Variants in SULT1A1 observed in about 807,000 individuals in gnomAD.
SULT1A1 encodes the protein sulfotransferase family 1A member 1, also known as sulfotransferase 1A1.
A neutral mutation model predicts 36.8 loss-of-function variants in SULT1A1; 35 were observed. That is an observed-to-expected ratio of 0.95 (90% CI 0.73 to 1.26). The LOEUF is 1.26. Ranked by LOEUF, SULT1A1 falls within the 50% of genes most tolerant of loss-of-function variation. The pLI is 0.00. For missense variants in SULT1A1, 309 were observed against 383.0 expected (o/e 0.81, Z 1.61); for synonymous variants, 119 against 146.0 (o/e 0.82, Z 1.33).
At chr16:28,608,270 A>G in intron 4 of SULT1A1, 21 bp downstream of exon 4, 1 of 1,611,432 alleles carries the variant, frequency 6.2e-7, no homozygotes, top group Non-Finnish European at 8.5e-7. Flanking sequence ...TATGGATGTG[A>G]AACACTGTGC....
rs561189881 is a variant in SULT1A1 at position 28,610,009 on chromosome 16, T to C, written c.-83A>G. On this transcript the variant is annotated 5_prime_UTR_variant, in exon 1 of 8. Transcript: ENST00000314752. ...TGGGTGTTGTGTGGGGAATGCAGGG[T>C]TGTTCTCTGAGCTGAGGGTTTCCTA... The C allele has an allele frequency of 1.6e-6, 2 of 1,287,466 alleles. No individual in the cohort carries two copies. Among genetic ancestry groups the C allele is most frequent in the East Asian group, 5.5e-5 (1 of 18,108 alleles). The allele number at this position is 1,287,466 out of a possible 1,614,324, so 79.8% of individuals were successfully genotyped here. A position where few individuals can be genotyped will look rare whatever the true frequency, so the allele number is the denominator to read the frequency against.
chr16:28,609,921 T>C lies in SULT1A1; in HGVS notation c.-5+10A>G, dbSNP rs1434760983. ...GAGGGCGCCCTGGGCCGTTCCACTGTGTCACTCACCTGAGCTCTTGGGAAC... is the reference window on the plus strand; with the variant it reads ...GAGGGCGCCCTGGGCCGTTCCACTGCGTCACTCACCTGAGCTCTTGGGAAC... On this transcript the variant is annotated intron_variant, in intron 1 of 7. Coordinates refer to ENST00000314752, the MANE Select transcript of SULT1A1 (RefSeq NM_001055.4). 3.1e-6 allele frequency: 4 copies of C among 1,284,832 alleles called. No individual in the cohort carries two copies. The Admixed American group carries it at 9.4e-5, about 30-fold the overall frequency. 79.6% of individuals were successfully genotyped at this position (1,284,832 alleles called of 1,614,324 possible).
intron 1 of SULT1A1, chr16:28,620,140 G>C (rs1413031791): frequency 6.2e-7 from 1 of 1,611,350 alleles, no homozygotes; most frequent in East Asian, 2.2e-5. Context: ...ATACCTATTT[G>C]CAAAAACACC....
chr16:28,609,524 G>A, intron 1 of SULT1A1: 4 of 740,864 alleles, frequency 5.4e-6, no homozygotes, highest in Non-Finnish European at 7.9e-6. Context: ...AGACCCTAGG[G>A]AGGCTGAGGC....
At chr16:28,609,251 C>T (rs750155) in intron 1 of SULT1A1, 584,683 of 1,242,994 alleles carry the variant, frequency 0.47, 134,960 homozygotes, top group Admixed American at 0.51. Context: ...TGTCTCACCA[C>T]TTCCTGCTGG....
At chr16:28,617,826 G>A (rs766273454) in intron 2 of SULT1A1, among the ~76,000 whole-genome samples, 17 of 151,844 alleles carry the variant, frequency 1.1e-4, no homozygotes, top group African/African-American at 2.4e-4. Flanking sequence ...TGTCGTGCCC[G>A]GCCGACAATT....
At chr16:28,606,564 G>A (rs75301646) in intron 6 of SULT1A1, among the ~76,000 whole-genome samples, 197 bp downstream of exon 6, 51,030 of 149,980 alleles carry the variant, frequency 0.34, 8,940 homozygotes, top group Admixed American at 0.4. Flanking sequence ...GCTGACTCAG[G>A]TGCGAGAGAT....
intron 2 of SULT1A1, among the ~76,000 whole-genome samples, chr16:28,617,858 C>CA (rs1170935482): frequency 7.2e-5 from 11 of 152,024 alleles, no homozygotes; most frequent in Non-Finnish European, 1.2e-4. Context: ...GAAATCTTCC[C>CA]AAAAAATCTC....
rs1216072772 is a variant in SULT1A1 at position 28,606,748 on chromosome 16, C to A, written c.594+13G>T. The A allele has an allele frequency of 6.2e-7, 1 of 1,611,674 alleles. No homozygotes were observed. The highest frequency in any genetic ancestry group is 2.2e-5 in the East Asian group (1 of 44,878). Reference sequence around the variant, plus strand: ...AGGAGTCACATGGAGGGAAGCATCGCACGTGGTCTCACCTCCTTCATGTCT... The same window carrying A: ...AGGAGTCACATGGAGGGAAGCATCGAACGTGGTCTCACCTCCTTCATGTCT... On this transcript the variant is annotated intron_variant, in intron 6 of 7. Coordinates refer to ENST00000314752, the MANE Select transcript of SULT1A1 (RefSeq NM_001055.4).
chr16:28,607,403 G>C lies in SULT1A1; in HGVS notation c.373-326C>G, dbSNP rs2047246454. 3 of 343,882 alleles carry C rather than the reference G, an allele frequency of 8.7e-6. No homozygotes were observed. In the Admixed American group the frequency reaches 1.2e-4, roughly 14 times the overall value. The allele number at this position is 343,882 out of a possible 1,614,324, so 21.3% of individuals were successfully genotyped here. On this transcript the variant is annotated intron_variant, in intron 4 of 7. Coordinates refer to ENST00000314752, the MANE Select transcript of SULT1A1 (RefSeq NM_001055.4). The stretch of plus-strand genomic sequence containing the variant: ...GAGGACCCACCCTCTAGCTTTCTTA[G>C]GTCTACACTGAAGAGTCTTACGTTC...
chr16:28,606,115 T>C lies in SULT1A1; in HGVS notation c.716A>G (p.Asn239Ser), dbSNP rs60749306. 1.2e-6 allele frequency: 2 copies of C among 1,610,026 alleles called. No individual in the cohort carries two copies. Among genetic ancestry groups the C allele is most frequent in the Non-Finnish European group, 1.7e-6 (2 of 1,177,774 alleles). ...GAACTCCTGGGGGACGGTGGTGTAG[T>C]TGGTCATAGGGTTCTTCTTCATCTC... ...FKEMKKNPMT[N>S]YTTVPQEFMD... Residue 239 changes from asparagine to serine, a missense_variant, in exon 7 of 8, where the codon AAC (asparagine) becomes AGC (serine). Asn to Ser is a conservative substitution (Grantham distance 46). Around this residue, in one of 3 missense-constraint regions of SULT1A1, gnomAD observed 67 missense variants for 122.0 expected, o/e 0.55. Transcript: ENST00000314752.
Position 28,605,505 on chromosome 16 carries a change from C to A in SULT1A1, c.*316G>T, listed in dbSNP as rs536272880. On this transcript the variant is annotated 3_prime_UTR_variant, in exon 8 of 8. Transcript: ENST00000314752. Reference sequence around the variant, plus strand: ...CAGGCTGGTCCCAAACTCCTGTCCTCCAGTGATCCTCTAGCCTCAACTTCT... The same window carrying A: ...CAGGCTGGTCCCAAACTCCTGTCCTACAGTGATCCTCTAGCCTCAACTTCT... The A allele has an allele frequency of 1.9e-4, 90 of 470,152 alleles. 1 individual carries two copies. The highest frequency in any genetic ancestry group is 1.5e-3 in the African/African-American group (79 of 52,154). The allele number at this position is 470,152 out of a possible 1,614,324, so 29.1% of individuals were successfully genotyped here.
intron 1 of SULT1A1, among the ~76,000 whole-genome samples, chr16:28,620,709 C>T (rs1596655709): frequency 2.0e-5 from 3 of 152,002 alleles, no homozygotes; most frequent in South Asian, 2.1e-4. Flanking sequence ...TTCACAAAAA[C>T]AATCCAGTTA....
At chr16:28,610,262 C>CTTTTTTT, upstream of SULT1A1, 4 of 239,662 alleles carry the variant, frequency 1.7e-5, no homozygotes, top group Non-Finnish European at 2.5e-5. Context: ...TTTTTTTTTT[C>CTTTTTTT]TGTTTTTTTT....
intron 1 of SULT1A1, among the ~76,000 whole-genome samples, chr16:28,620,305 C>T (rs1451106164): frequency 1.3e-5 from 2 of 152,128 alleles, no homozygotes; most frequent in Admixed American, 6.6e-5. Flanking sequence ...TGGCTCAAGC[C>T]TGTAATCCCA....
At chr16:28,610,419 C>G (rs565966022), upstream of SULT1A1, 163 of 404,760 alleles carry the variant, frequency 4.0e-4, 1 homozygote, top group African/African-American at 3.0e-3. Flanking sequence ...GATAGGCAGG[C>G]CCTGGAAAGG....
chr16:28,621,743 G>T (rs911196098), intron 1 of SULT1A1, among the ~76,000 whole-genome samples: 2 of 151,930 alleles, frequency 1.3e-5, no homozygotes, highest in African/African-American at 4.8e-5. Context: ...CACTGACCCC[G>T]TCAGGCTTAA....
At chr16:28,619,155 G>C (rs955150501) in intron 2 of SULT1A1, among the ~76,000 whole-genome samples, 40 of 152,242 alleles carry the variant, frequency 2.6e-4, no homozygotes, top group Non-Finnish European at 1.5e-5. Flanking sequence ...TGGGATTACA[G>C]ACATACACCA....
Position 28,605,608 on chromosome 16 carries a change from T to G in SULT1A1, c.*213A>C. 1 of 824,352 alleles carries G rather than the reference T, an allele frequency of 1.2e-6. No individual in the cohort carries two copies. The highest frequency in any genetic ancestry group is 1.9e-6 in the Non-Finnish European group (1 of 533,216). The allele number at this position is 824,352 out of a possible 1,614,324, so 51.1% of individuals were successfully genotyped here. ...TTTATTCTCTTTTTAAAAATTGGTT[T>G]TATTTTATTTTATTTTTTTAACAGA... On this transcript the variant is annotated 3_prime_UTR_variant, in exon 8 of 8. Coordinates refer to ENST00000314752, the MANE Select transcript of SULT1A1 (RefSeq NM_001055.4).
Sources: allele counts gnomAD v4.1 joint callset (sites outside exome capture counted in the v4.1 genomes callset), GRCh38; gene constraint gnomAD v4.1.1; regional missense constraint gnomAD v4.1.1; transcripts MANE v1.5; gene names NCBI Gene and HGNC (gene_info 2026-07-23, HGNC 2026-07-21).